PCDHGA9: variants seen among roughly 807,000 people sequenced by gnomAD.
PCDHGA9 encodes the protein protocadherin gamma-A9.
A neutral mutation model predicts 62.5 loss-of-function variants in PCDHGA9; 37 were observed. That is an observed-to-expected ratio of 0.59 (90% CI 0.46 to 0.78). PCDHGA9 has a LOEUF of 0.78. Among genes scored for constraint, PCDHGA9 ranks in the 30% least tolerant of loss-of-function variants. The probability of loss-of-function intolerance (pLI) is 0.00; values close to 1 mark genes in which losing one functional copy is unlikely to be tolerated. For synonymous variants in PCDHGA9, 459 were observed against 484.6 expected (o/e 0.95, Z 0.69); for missense variants, 1,138 against 1,166.2 (o/e 0.98, Z 0.35).
intron 1 of PCDHGA9, among the ~76,000 whole-genome samples, chr5:141,467,395 G>A (rs1197131223): frequency 6.6e-6 from 1 of 152,056 alleles, no homozygotes; most frequent in African/African-American, 2.4e-5. Flanking sequence ...TTAAGTCATA[G>A]TTAGAAAGCC....
At chr5:141,459,108 A>G (rs1240280274) in intron 1 of PCDHGA9, among the ~76,000 whole-genome samples, 1 of 152,216 alleles carries the variant, frequency 6.6e-6, no homozygotes, top group Non-Finnish European at 1.5e-5. Flanking sequence ...ATGCATTTTG[A>G]CAATTGTTTA....
rs144490159 is a variant in PCDHGA9, at chr5:141,418,260, G to A, written c.2424+12884G>A. The A allele has an allele frequency of 5.0e-3, 7,995 of 1,614,000 alleles. 44 individuals carry two copies. Among genetic ancestry groups the A allele is most frequent in the Admixed American group, 9.4e-3 (566 of 60,026 alleles). ...GTTAATGACCACGCCCCTCAATTCCGGAAAGATGAAATAAACTTAGAAATC... is the reference window on the plus strand; with the variant it reads ...GTTAATGACCACGCCCCTCAATTCCAGAAAGATGAAATAAACTTAGAAATC... On this transcript the variant is annotated intron_variant, in intron 1 of 3. Coordinates refer to ENST00000573521, the MANE Select transcript of PCDHGA9 (RefSeq NM_018921.3).
chr5:141,487,812 T>A lies in PCDHGA9; in HGVS notation c.2425-6995T>A. ...TAACCAGAGTTGTCACAGTTTAGCA[T>A]TGGGGGCGGGTCATGCCTATATCTG... On this transcript the variant is annotated intron_variant, in intron 1 of 3. Coordinates refer to ENST00000573521, the MANE Select transcript of PCDHGA9 (RefSeq NM_018921.3). The surrounding 1 kb of genome is among the most constrained non-coding windows in gnomAD (Gnocchi z 5.0). 1 of 1,408,206 alleles carries A rather than the reference T, an allele frequency of 7.1e-7. No individual in the cohort carries two copies. The highest frequency in any genetic ancestry group is 9.7e-7 in the Non-Finnish European group (1 of 1,036,248). 87.2% of individuals were successfully genotyped at this position (1,408,206 alleles called of 1,614,324 possible). A position where few individuals can be genotyped will look rare whatever the true frequency, so the allele number is the denominator to read the frequency against.
Position 141,476,854 on chromosome 5 carries a change from G to A in PCDHGA9, c.2425-17953G>A. The A allele has an allele frequency of 6.2e-7, 1 of 1,613,860 alleles. No individual in the cohort carries two copies. The highest frequency in any genetic ancestry group is 1.1e-5 in the South Asian group (1 of 91,088). ...ATGACAATGCGCCTGTCTTCAACCA[G>A]TCCTTGTACCGGGCGCGCGTCCTGG... On this transcript the variant is annotated intron_variant, in intron 1 of 3. Transcript: ENST00000573521. This position sits in a 1 kb window ranked among gnomAD's most constrained non-coding sequence, Gnocchi z 7.6.
At chr5:141,433,028 G>C in intron 1 of PCDHGA9, 1 of 1,614,116 alleles carries the variant, frequency 6.2e-7, no homozygotes, top group Non-Finnish European at 8.5e-7. Context: ...TTCCCACGAG[G>C]TTTCCCTCAC....
chr5:141,415,906 A>G, intron 1 of PCDHGA9: 1 of 784,990 alleles, frequency 1.3e-6, no homozygotes, highest in Non-Finnish European at 1.8e-6. Context: ...ACAGACTTCC[A>G]TACAGAAGTG....
rs761718852 is a variant in PCDHGA9, at chr5:141,432,440, G to A, written c.2424+27064G>A. ...GCTGGACCAGAACGACAATGCGCCCGAGATCCTGTACCCCGCCCTCCCCAC... is the reference window on the plus strand; with the variant it reads ...GCTGGACCAGAACGACAATGCGCCCAAGATCCTGTACCCCGCCCTCCCCAC... On this transcript the variant is annotated intron_variant, in intron 1 of 3. Transcript: ENST00000573521. The surrounding 1 kb of genome is among the most constrained non-coding windows in gnomAD (Gnocchi z 6.0). 1.3e-5 allele frequency: 21 copies of A among 1,614,226 alleles called. No homozygotes were observed. Among genetic ancestry groups the A allele is most frequent in the Non-Finnish European group, 1.6e-5 (19 of 1,180,048 alleles).
rs748457785 is a variant in PCDHGA9 at position 141,489,197 on chromosome 5, A to G, written c.2425-5610A>G. On this transcript the variant is annotated intron_variant, in intron 1 of 3. Coordinates refer to ENST00000573521, the MANE Select transcript of PCDHGA9 (RefSeq NM_018921.3). This position sits in a 1 kb window ranked among gnomAD's most constrained non-coding sequence, Gnocchi z 4.5. ...TCCAAGCCCTGGGTCTACCTTGGAG[A>G]CAGGACAGCACAGACTTACTCTCCA... 7 of 1,391,050 alleles carry G rather than the reference A, an allele frequency of 5.0e-6. No individual in the cohort carries two copies. Among genetic ancestry groups the G allele is most frequent in the African/African-American group, 2.9e-5 (2 of 69,150 alleles). 86.2% of individuals were successfully genotyped at this position (1,391,050 alleles called of 1,614,324 possible).
intron 1 of PCDHGA9, among the ~76,000 whole-genome samples, chr5:141,449,331 G>T (rs1054980032): frequency 3.3e-5 from 5 of 151,950 alleles, no homozygotes; most frequent in Admixed American, 3.3e-4. Flanking sequence ...TGTAGGCCAG[G>T]TGCAGTGGCT....
chr5:141,461,560 T>G (rs1355320881), intron 1 of PCDHGA9, among the ~76,000 whole-genome samples: 1 of 152,234 alleles, frequency 6.6e-6, no homozygotes, highest in African/African-American at 2.4e-5. Context: ...ATGTGTACTT[T>G]GCAAAGATAA....
At chr5:141,444,637 G>C (rs2098443357) in intron 1 of PCDHGA9, among the ~76,000 whole-genome samples, 1 of 152,236 alleles carries the variant, frequency 6.6e-6, no homozygotes, top group Non-Finnish European at 1.5e-5. Context: ...CCAGTTCATT[G>C]AGGTAGGGGT....
Position 141,476,667 on chromosome 5 carries a change from T to C in PCDHGA9, c.2425-18140T>C. 6.2e-7 allele frequency: 1 copy of C among 1,614,234 alleles called. No individual in the cohort carries two copies. Among genetic ancestry groups the C allele is most frequent in the Non-Finnish European group, 8.5e-7 (1 of 1,180,042 alleles). ...CGAAATGAATACTTTGCGCTTCGCG[T>C]GCAGACGCGGGAGGACAGCACCAAG... On this transcript the variant is annotated intron_variant, in intron 1 of 3. Transcript: ENST00000573521. The surrounding 1 kb of genome is among the most constrained non-coding windows in gnomAD (Gnocchi z 7.6).
chr5:141,418,517 C>G, intron 1 of PCDHGA9: 1 of 1,613,918 alleles, frequency 6.2e-7, no homozygotes. Flanking sequence ...TGGTGGGGAC[C>G]CTCCCCGAAG....
chr5:141,489,111 C>G lies in PCDHGA9; in HGVS notation c.2425-5696C>G. 1.9e-6 allele frequency: 1 copy of G among 518,042 alleles called. No individual in the cohort carries two copies. Among genetic ancestry groups the G allele is most frequent in the Non-Finnish European group, 3.2e-6 (1 of 308,182 alleles). The allele number at this position is 518,042 out of a possible 1,614,324, so 32.1% of individuals were successfully genotyped here. The stretch of plus-strand genomic sequence containing the variant: ...GTGACTAAGAACTGCTGCAAGCAGG[C>G]AAACCTCCGAGCAGTTTTTAAGAGG... On this transcript the variant is annotated intron_variant, in intron 1 of 3. Coordinates refer to ENST00000573521, the MANE Select transcript of PCDHGA9 (RefSeq NM_018921.3). This position sits in a 1 kb window ranked among gnomAD's most constrained non-coding sequence, Gnocchi z 4.5.
rs199625514 is a variant in PCDHGA9 at position 141,485,144 on chromosome 5, G to C, written c.2425-9663G>C. The C allele has an allele frequency of 6.4e-7, 1 of 1,564,190 alleles. No homozygotes were observed. Among genetic ancestry groups the C allele is most frequent in the African/African-American group, 1.4e-5 (1 of 74,034 alleles). ...CGGGTCGGCTTCATCCGCGTCTCAG[G>C]AGCAAGTAGAGAATTAGCGGGCGGC... On this transcript the variant is annotated intron_variant, in intron 1 of 3. Coordinates refer to ENST00000573521, the MANE Select transcript of PCDHGA9 (RefSeq NM_018921.3). The surrounding 1 kb of genome is among the most constrained non-coding windows in gnomAD (Gnocchi z 5.7).
rs368075478 is a variant in PCDHGA9, at chr5:141,403,866, A to G, written c.914A>G (p.Lys305Arg). The G allele has an allele frequency of 1.3e-4, 207 of 1,613,762 alleles. No individual in the cohort carries two copies. Among genetic ancestry groups the G allele is most frequent in the Non-Finnish European group, 1.6e-4 (186 of 1,179,844 alleles). The change falls in exon 1 of 4, where the codon AAA (lysine) becomes AGA (arginine). Residue 305 changes from lysine to arginine, a missense_variant. Transcript: ENST00000573521. ...AATACTGGGGAAATATCAACAGCAA[A>G]AAGTCTAGATTATGAAGAATGTTCA... ...NENTGEISTA[K>R]SLDYEECSFY...
Position 141,487,494 on chromosome 5 carries a change from C to A in PCDHGA9, c.2425-7313C>A, listed in dbSNP as rs116370895. On this transcript the variant is annotated intron_variant, in intron 1 of 3. Transcript: ENST00000573521. The surrounding 1 kb of genome is among the most constrained non-coding windows in gnomAD (Gnocchi z 5.0). The stretch of plus-strand genomic sequence containing the variant: ...GGAGGCCACTCTCATGGCTGTACAC[C>A]CTTGGCTTCTGCACCCACTCGGAGT... 1,421 of 1,614,120 alleles carry A rather than the reference C, an allele frequency of 8.8e-4. 3 individuals are homozygous for A. Among genetic ancestry groups the A allele is most frequent in the Non-Finnish European group, 1.2e-3 (1,358 of 1,180,034 alleles).
At chr5:141,500,509 G>A (rs1048476645) in intron 2 of PCDHGA9, among the ~76,000 whole-genome samples, 19 of 152,100 alleles carry the variant, frequency 1.2e-4, no homozygotes, top group South Asian at 4.2e-4. Context: ...GCGCCTGGCC[G>A]AGCTTCATTT....
At chr5:141,488,157 C>T (rs565677003) in intron 1 of PCDHGA9, among the ~76,000 whole-genome samples, 2 of 152,216 alleles carry the variant, frequency 1.3e-5, no homozygotes, top group South Asian at 2.1e-4. Context: ...TAGAGAGGCA[C>T]GCATCAGAGT....
Sources: gnomAD v4.1 joint callset for allele counts (sites outside exome capture counted in the v4.1 genomes callset) on GRCh38, gnomAD v4.1.1 for gene constraint, Gnocchi (gnomAD v3.1) non-coding constraint, MANE v1.5 for transcripts, NCBI Gene and HGNC (gene_info 2026-07-23, HGNC 2026-07-21) for gene names.